The following TAF8 variants were observed in gnomAD, a reference collection of about 807,000 sequenced individuals.
TAF8 encodes the protein TATA-box binding protein associated factor 8.
A neutral mutation model predicts 36.5 loss-of-function variants in TAF8; 47 were observed. That is an observed-to-expected ratio of 1.29 (90% CI 1.02 to 1.64). TAF8 has a LOEUF of 1.64. Ranked by LOEUF, TAF8 falls within the 40% of genes most tolerant of loss-of-function variation. The pLI is 0.00. For missense variants in TAF8, 420 were observed against 407.6 expected (o/e 1.03, Z -0.26); for synonymous variants, 175 against 159.5 (o/e 1.10, Z -0.73).
rs148970126 is a variant in TAF8, at chr6:42,074,979, G to A, written c.781-2121G>A. Among the ~76,000 whole-genome samples the A allele has an allele frequency of 6.6e-5, 10 of 152,148 alleles. No homozygotes were observed. The East Asian group carries it at 7.7e-4, about 12-fold the overall frequency. ...CTGCTCTTGTGAGCCACGGTGGGCC[G>A]AATGGAGGGAGCCTCTTGACCCTCC... is the stretch of plus-strand genomic sequence containing the variant. On this transcript the variant is annotated intron_variant, in intron 7 of 8. Transcript: ENST00000372977.
intron 2 of TAF8, among the ~76,000 whole-genome samples, chr6:42,052,859 C>T (rs886375794): frequency 2.0e-5 from 3 of 152,054 alleles, no homozygotes; most frequent in Non-Finnish European, 4.4e-5. Flanking sequence ...AAGAAGTGGA[C>T]AACTTAGCCA....
chr6:42,059,400 A>AG (rs1055025715), intron 5 of TAF8, among the ~76,000 whole-genome samples: 1 of 151,604 alleles, frequency 6.6e-6, no homozygotes, highest in Non-Finnish European at 1.5e-5. Flanking sequence ...AAAAAAAAAA[A>AG]GAAATCATAG....
At chr6:42,065,615 A>T (rs1272199872) in intron 5 of TAF8, among the ~76,000 whole-genome samples, 2 of 152,260 alleles carry the variant, frequency 1.3e-5, no homozygotes, top group East Asian at 3.9e-4. Flanking sequence ...AGCCACTCCC[A>T]TACTGCAGGA....
chr6:42,072,971 C>T (rs888897745), intron 7 of TAF8, among the ~76,000 whole-genome samples: 1 of 152,176 alleles, frequency 6.6e-6, no homozygotes, highest in African/African-American at 2.4e-5. Flanking sequence ...GATCCGCCCG[C>T]CTCAGCCTCC....
chr6:42,080,107 C>T lies in TAF8; in HGVS notation c.*2562C>T, dbSNP rs765878828. 2.7e-4 allele frequency: 267 copies of T among 985,282 alleles called. No homozygotes were observed. The highest frequency in any genetic ancestry group is 3.1e-4 in the Non-Finnish European group (255 of 829,940). 61.0% of individuals were successfully genotyped at this position (985,282 alleles called of 1,614,324 possible). A position where few individuals can be genotyped will look rare whatever the true frequency, so the allele number is the denominator to read the frequency against. On this transcript the variant is annotated 3_prime_UTR_variant, in exon 9 of 9. Transcript: ENST00000372977. The stretch of plus-strand genomic sequence containing the variant: ...GTTAGACTGGCCTATGTGGCCTTCT[C>T]AGGGTTTGTGATTCAGTTCTTAGCG...
intron 5 of TAF8, among the ~76,000 whole-genome samples, chr6:42,064,750 G>T (rs941728743): frequency 6.6e-6 from 1 of 151,510 alleles, no homozygotes; most frequent in Non-Finnish European, 1.5e-5. Flanking sequence ...AAGGTCAGGA[G>T]ATCGAGACCA....
Position 42,077,210 on chromosome 6 carries a change from G to C in TAF8, c.891G>C (p.Pro297=). 6.2e-7 allele frequency: 1 copy of C among 1,613,728 alleles called. No homozygotes were observed. Among genetic ancestry groups the C allele is most frequent in the Non-Finnish European group, 8.5e-7 (1 of 1,179,752 alleles). ...ENIIDNPYLR[P]VKKPKIRRKK... is the part of the protein sequence containing the mutation. ...TCATCGATAACCCTTATCTGCGGCC[G>C]GTGAAGAAGCCCAAGATCCGCAGGA... The change falls in exon 8 of 9, where the codon CCG becomes CCC. Residue 297 remains proline (P), a synonymous_variant. Coordinates refer to ENST00000372977, the MANE Select transcript of TAF8 (RefSeq NM_138572.3).
downstream of TAF8, chr6:42,087,277 G>A (rs1766044839): frequency 6.5e-6 from 1 of 154,956 alleles, no homozygotes; most frequent in African/African-American, 2.4e-5. Context: ...CCCTTCTCCT[G>A]GTCTCTCCTC....
At chr6:42,058,387 A>G (rs964156246) in intron 5 of TAF8, among the ~76,000 whole-genome samples, 1 of 152,182 alleles carries the variant, frequency 6.6e-6, no homozygotes, top group Non-Finnish European at 1.5e-5. Context: ...CTCAAAAAGA[A>G]ATAAATAAAA....
chr6:42,085,551 G>A (rs796128401), downstream of TAF8, among the ~76,000 whole-genome samples: 1 of 152,162 alleles, frequency 6.6e-6, no homozygotes, highest in Admixed American at 6.5e-5. Flanking sequence ...GGCCAGGCGC[G>A]GTGGCTTATG....
At position 42,077,780 on chromosome 6, in the gene TAF8, G is replaced by T. The variant is rs1445382590; in HGVS notation, c.*235G>T. Reference sequence around the variant, plus strand: ...GAATTTTTTTTTTTATTTTGAGATGGAGTCTTACTCTATCACCCAGGCTGG... The same window carrying T: ...GAATTTTTTTTTTTATTTTGAGATGTAGTCTTACTCTATCACCCAGGCTGG... On this transcript the variant is annotated 3_prime_UTR_variant, in exon 9 of 9. Transcript: ENST00000372977. 5 of 1,366,036 alleles carry T rather than the reference G, an allele frequency of 3.7e-6. No homozygotes were observed. Among genetic ancestry groups the T allele is most frequent in the Admixed American group, 6.1e-5 (2 of 32,614 alleles). 84.6% of individuals were successfully genotyped at this position (1,366,036 alleles called of 1,614,324 possible).
chr6:42,051,529 C>T lies in TAF8; in HGVS notation c.202+16C>T, dbSNP rs1471658400. 5 of 1,612,040 alleles carry T rather than the reference C, an allele frequency of 3.1e-6. No individual in the cohort carries two copies. Among genetic ancestry groups the T allele is most frequent in the Non-Finnish European group, 4.2e-6 (5 of 1,178,670 alleles). On this transcript the variant is annotated intron_variant, in intron 2 of 8. Transcript: ENST00000372977. The stretch of plus-strand genomic sequence containing the variant: ...CTGCAGAGCTGTGAGTACATGGAAA[C>T]ACTTGGCCTTGGAGTCAACCCCAAC...
In TAF8 at chr6:42,078,681, T is replaced by G. The variant is rs1176454518; in HGVS notation, c.*1136T>G. The G allele has an allele frequency of 2.1e-5, 21 of 985,270 alleles. No homozygotes were observed. Among genetic ancestry groups the G allele is most frequent in the Non-Finnish European group, 2.5e-5 (21 of 829,938 alleles). 61.0% of individuals were successfully genotyped at this position (985,270 alleles called of 1,614,324 possible). On this transcript the variant is annotated 3_prime_UTR_variant, in exon 9 of 9. Coordinates refer to ENST00000372977, the MANE Select transcript of TAF8 (RefSeq NM_138572.3). ...GGGGCAGCACTCTCCTCCTGAGAGATTTACCATTTATTGCCCCTGTGAGGA... is the reference window on the plus strand; with the variant it reads ...GGGGCAGCACTCTCCTCCTGAGAGAGTTACCATTTATTGCCCCTGTGAGGA...
intron 3 of TAF8, 108 bp from the exon 4 acceptor site, chr6:42,055,844 C>A: frequency 1.2e-6 from 1 of 849,046 alleles, no homozygotes; most frequent in Non-Finnish European, 2.0e-6. Flanking sequence ...TGCGTGGCTG[C>A]AAGGTCATTG....
chr6:42,053,361 C>T (rs1404427628), intron 2 of TAF8, among the ~76,000 whole-genome samples: 4 of 152,034 alleles, frequency 2.6e-5, no homozygotes, highest in Non-Finnish European at 5.9e-5. Flanking sequence ...TCAGGAGTTT[C>T]AAGACCAACC....
At chr6:42,068,270 G>A (rs1408048528) in intron 6 of TAF8, among the ~76,000 whole-genome samples, 195 bp from the exon 7 acceptor site, 1 of 152,192 alleles carries the variant, frequency 6.6e-6, no homozygotes, top group Admixed American at 6.5e-5. Context: ...TACTTAATAG[G>A]ATGGGAGCAA....
intron 1 of TAF8, chr6:42,050,788 C>A: frequency 3.3e-6 from 3 of 907,940 alleles, no homozygotes; most frequent in Non-Finnish European, 4.6e-6. Flanking sequence ...TCTTGATTGG[C>A]TCGTTCGCTG....
intron 5 of TAF8, among the ~76,000 whole-genome samples, chr6:42,058,820 G>A (rs1299997120): frequency 6.6e-6 from 1 of 152,192 alleles, no homozygotes; most frequent in African/African-American, 2.4e-5. Flanking sequence ...TCTGAAACCT[G>A]TAGGGGAGTC....
downstream of TAF8, among the ~76,000 whole-genome samples, chr6:42,084,417 C>G (rs1765996027): frequency 6.6e-6 from 1 of 152,142 alleles, no homozygotes; most frequent in African/African-American, 2.4e-5. Flanking sequence ...TCCCCACTTA[C>G]ACATGTATCA....
Sources: allele counts gnomAD v4.1 joint callset (sites outside exome capture counted in the v4.1 genomes callset), GRCh38; gene constraint gnomAD v4.1.1; transcripts MANE v1.5; gene names NCBI Gene and HGNC (gene_info 2026-07-23, HGNC 2026-07-21).